CNTNAP2: variants seen among roughly 807,000 people sequenced by gnomAD.
The protein encoded by CNTNAP2 is contactin-associated protein-like 2.
In CNTNAP2, 98 loss-of-function variants were observed where a neutral mutation model predicts 155.2. That is an observed-to-expected ratio of 0.63 (90% CI 0.54 to 0.75). CNTNAP2 has a LOEUF of 0.75. CNTNAP2 is among the 30% of genes least tolerant of loss of function. The probability of loss-of-function intolerance (pLI) is 0.00; values close to 1 mark genes in which losing one functional copy is unlikely to be tolerated. For missense variants in CNTNAP2, 1,727 were observed against 1,688.1 expected (o/e 1.02, Z -0.40); for synonymous variants, 651 against 631.2 (o/e 1.03, Z -0.47).
At chr7:146,924,089 G>A (rs1796558997) in intron 3 of CNTNAP2, among the ~76,000 whole-genome samples, 1 of 152,156 alleles carries the variant, frequency 6.6e-6, no homozygotes, top group African/African-American at 2.4e-5. Flanking sequence ...TGAGCTGAAT[G>A]AATTCTTGTA....
rs1064794493 is a variant in CNTNAP2, at chr7:147,395,653, C to A, written c.1543C>A (p.Pro515Thr). The stretch of plus-strand genomic sequence containing the variant: ...TAACTCAAGTCACTCTGTCCTTCAG[C>A]CTTCATTCCAAGGATGCATGCAGCT... ...MNNSSHSVLQPSFQGCMQLIQ... is the reference protein window; with the variant it reads ...MNNSSHSVLQTSFQGCMQLIQ... Residue 515 changes from proline to threonine, a missense_variant, in exon 10 of 24, where the codon CCT becomes ACT. Transcript: ENST00000361727. The A allele has an allele frequency of 1.9e-6, 3 of 1,612,502 alleles. No homozygotes were observed. The Admixed American group carries it at 5.0e-5, about 27-fold the overall frequency.
rs1802973512 is a variant in CNTNAP2, at chr7:147,204,088, T to G, written c.1348+71579T>G. ...ATGTTTAATTATATTATAATAAAAA[T>G]TTCAAAAAGACTTTTTGAAGACAAA... On this transcript the variant is annotated intron_variant, in intron 8 of 23. Coordinates refer to ENST00000361727, the MANE Select transcript of CNTNAP2 (RefSeq NM_014141.6). 2.0e-5 allele frequency among the ~76,000 whole-genome samples: 3 copies of G among 151,962 alleles called. No individual in the cohort carries two copies. In the South Asian group the frequency reaches 6.2e-4, roughly 31 times the overall value.
At chr7:148,388,368 C>G (rs1201213388) in intron 22 of CNTNAP2, among the ~76,000 whole-genome samples, 1 of 141,590 alleles carries the variant, frequency 7.1e-6, no homozygotes, top group Non-Finnish European at 1.5e-5. Flanking sequence ...TTGTTCAATT[C>G]CCACCTATGA....
Position 146,453,531 on chromosome 7 carries a change from C to A in CNTNAP2, c.98-320740C>A, listed in dbSNP as rs144810848. On this transcript the variant is annotated intron_variant, in intron 1 of 23. Coordinates refer to ENST00000361727, the MANE Select transcript of CNTNAP2 (RefSeq NM_014141.6). ...AAATTCACAAGGTCTGTCATCCAAT[C>A]AAATGTTGCCAAGTATGAACTAAGC... is the stretch of plus-strand genomic sequence containing the variant. Among the ~76,000 whole-genome samples the A allele has an allele frequency of 8.5e-5, 13 of 152,228 alleles. No individual in the cohort carries two copies. In the East Asian group the frequency reaches 2.5e-3, roughly 29 times the overall value.
chr7:147,546,103 A>T (rs756572950), intron 11 of CNTNAP2, among the ~76,000 whole-genome samples: 15 of 152,198 alleles, frequency 9.9e-5, no homozygotes, highest in Non-Finnish European at 2.1e-4. Flanking sequence ...CTTTATTAAC[A>T]TCATGAGAAC....
chr7:146,706,917 T>TAAA (rs778959277), intron 1 of CNTNAP2, among the ~76,000 whole-genome samples: 60 of 126,796 alleles, frequency 4.7e-4, no homozygotes, highest in Admixed American at 1.2e-3. Context: ...ACTTAAAAGT[T>TAAA]AAAAAAAAAA....
At chr7:148,317,688 G>T (rs1215967753) in intron 21 of CNTNAP2, among the ~76,000 whole-genome samples, 1 of 152,050 alleles carries the variant, frequency 6.6e-6, no homozygotes, top group Non-Finnish European at 1.5e-5. Flanking sequence ...ATAAGGTCTT[G>T]GTTGCCCTGA....
chr7:146,985,575 C>T (rs925131204), intron 3 of CNTNAP2, among the ~76,000 whole-genome samples: 1 of 152,062 alleles, frequency 6.6e-6, no homozygotes, highest in East Asian at 1.9e-4. Context: ...TCGCCTTGGC[C>T]TCCCAAAGTG....
In CNTNAP2 at chr7:146,673,042, A is replaced by G. The variant is rs572435878; in HGVS notation, c.98-101229A>G. ...ATTCTTCCTGGTTGGTTTACTTCTC[A>G]TTTTTTTTCCATTAAATGATATAAA... On this transcript the variant is annotated intron_variant, in intron 1 of 23. Transcript: ENST00000361727. Among the ~76,000 whole-genome samples the G allele has an allele frequency of 3.3e-5, 5 of 151,550 alleles. No homozygotes were observed. The South Asian group carries it at 1.0e-3, about 32-fold the overall frequency.
intron 14 of CNTNAP2, among the ~76,000 whole-genome samples, chr7:147,943,806 A>T (rs938917433): frequency 5.1e-5 from 7 of 138,026 alleles, no homozygotes; most frequent in African/African-American, 1.7e-4. Flanking sequence ...AAAGCCTCTA[A>T]GTTTGGTTCA....
At chr7:146,291,017 A>G (rs961854927) in intron 1 of CNTNAP2, among the ~76,000 whole-genome samples, 1 of 152,212 alleles carries the variant, frequency 6.6e-6, no homozygotes, top group African/African-American at 2.4e-5. Context: ...TCCCTTGCCA[A>G]CTACAAAATG....
intron 8 of CNTNAP2, among the ~76,000 whole-genome samples, chr7:147,152,392 C>A (rs1801845190): frequency 6.6e-6 from 1 of 152,096 alleles, no homozygotes; most frequent in Non-Finnish European, 1.5e-5. Flanking sequence ...ATGAATTATA[C>A]TTAATCTGTG....
chr7:147,427,301 T>C (rs1584942588), intron 10 of CNTNAP2, among the ~76,000 whole-genome samples: 1 of 152,128 alleles, frequency 6.6e-6, no homozygotes, highest in Non-Finnish European at 1.5e-5. Context: ...ACATGAATTT[T>C]GGAGAAGCCA....
chr7:147,204,882 C>A (rs968268605), intron 8 of CNTNAP2, among the ~76,000 whole-genome samples: 3 of 152,040 alleles, frequency 2.0e-5, no homozygotes, highest in African/African-American at 7.2e-5. Flanking sequence ...TCATTAATCT[C>A]TTCAGCATGA....
intron 13 of CNTNAP2, among the ~76,000 whole-genome samples, chr7:147,696,601 C>T (rs1796165342): frequency 6.6e-6 from 1 of 151,984 alleles, no homozygotes; most frequent in African/African-American, 2.4e-5. Context: ...CTTTAGCGCT[C>T]TCCCTTTATG....
At chr7:146,311,689 G>GA (rs1318036287) in intron 1 of CNTNAP2, 1 of 140,522 alleles carries the variant, frequency 7.1e-6, no homozygotes, top group African/African-American at 2.9e-5. Context: ...AAGAAAAGAA[G>GA]AAAAGAAAGA....
chr7:147,967,710 G>T (rs186729092), intron 14 of CNTNAP2, among the ~76,000 whole-genome samples: 1 of 152,118 alleles, frequency 6.6e-6, no homozygotes, highest in Non-Finnish European at 1.5e-5. Context: ...TCCTCAAAGG[G>T]CTCACACTGC....
chr7:146,338,895 G>A (rs1045214074), intron 1 of CNTNAP2, among the ~76,000 whole-genome samples: 4 of 149,620 alleles, frequency 2.7e-5, no homozygotes, highest in African/African-American at 1.0e-4. Flanking sequence ...TTTAAAAAAG[G>A]TTTCAGGCCA....
chr7:147,624,345 C>A (rs6976894), intron 12 of CNTNAP2, among the ~76,000 whole-genome samples: 29,225 of 151,878 alleles, frequency 0.19, 2,973 homozygotes, highest in Middle Eastern at 0.24. Flanking sequence ...AAAATATTTG[C>A]AAACTACCCA....
Sources: gnomAD v4.1 joint callset for allele counts (sites outside exome capture counted in the v4.1 genomes callset) on GRCh38, gnomAD v4.1.1 for gene constraint, MANE v1.5 for transcripts, NCBI Gene and HGNC (gene_info 2026-07-23, HGNC 2026-07-21) for gene names.